The following CADPS variants were observed in gnomAD, a reference collection of about 807,000 sequenced individuals.
The protein encoded by CADPS is calcium-dependent secretion activator 1.
CADPS carries 57 observed loss-of-function variants against 167.3 expected under a neutral mutation model. That is an observed-to-expected ratio of 0.34 (90% CI 0.28 to 0.42). CADPS has a LOEUF of 0.42. CADPS is among the 20% of genes least tolerant of loss of function. CADPS has a pLI of 1.00. For synonymous variants in CADPS, 676 were observed against 635.3 expected (o/e 1.06, Z -0.96); for missense variants, 1,414 against 1,738.1 (o/e 0.81, Z 3.32).
At chr3:62,623,143 T>C (rs949584787) in intron 6 of CADPS, among the ~76,000 whole-genome samples, 26 of 152,100 alleles carry the variant, frequency 1.7e-4, no homozygotes, top group African/African-American at 5.1e-4. Flanking sequence ...CTCAAGAAAA[T>C]TCCATTTTCT....
At chr3:62,767,836 T>C (rs1243036022) in intron 1 of CADPS, among the ~76,000 whole-genome samples, 15 of 152,234 alleles carry the variant, frequency 9.9e-5, no homozygotes, top group Admixed American at 9.8e-4. Context: ...TGATATACTT[T>C]ACTTAACCCA....
At chr3:62,719,036 GCA>G (rs2075233332) in intron 3 of CADPS, among the ~76,000 whole-genome samples, 1 of 152,196 alleles carries the variant, frequency 6.6e-6, no homozygotes, top group African/African-American at 2.4e-5. Context: ...ACTCCTTTGT[GCA>G]TTCAGAGGTC....
At chr3:62,848,758 TG>T (rs2077967658) in intron 1 of CADPS, among the ~76,000 whole-genome samples, 1 of 108,086 alleles carries the variant, frequency 9.3e-6, no homozygotes, top group Admixed American at 1.0e-4. Flanking sequence ...GACTTGGCAA[TG>T]CGGGCTCTTT....
intron 1 of CADPS, among the ~76,000 whole-genome samples, chr3:62,869,703 A>G (rs1446310589): frequency 1.3e-5 from 2 of 152,130 alleles, no homozygotes; most frequent in Non-Finnish European, 2.9e-5. Context: ...CCCCCAGTTC[A>G]GGAACCACAT....
intron 26 of CADPS, among the ~76,000 whole-genome samples, chr3:62,457,044 T>G (rs1013086681): frequency 6.6e-6 from 1 of 152,186 alleles, no homozygotes; most frequent in African/African-American, 2.4e-5. Flanking sequence ...GTAAGATTTT[T>G]TTTTTAAACC....
At chr3:62,845,158 G>A (rs61628335) in intron 1 of CADPS, among the ~76,000 whole-genome samples, 3,564 of 152,226 alleles carry the variant, frequency 0.023, 150 homozygotes, top group African/African-American at 0.081. Flanking sequence ...CATCTCAGAA[G>A]GACATATCTG....
intron 4 of CADPS, among the ~76,000 whole-genome samples, chr3:62,656,130 A>C (rs146957097): frequency 1.4e-3 from 211 of 152,298 alleles, no homozygotes; most frequent in Non-Finnish European, 2.4e-3. Flanking sequence ...AAAAGTAGAG[A>C]TCATAACATG....
In CADPS at chr3:62,648,513, C is replaced by G. The variant is rs1324130442; in HGVS notation, c.1203+2334G>C. ...CCTGAACAACATGGCAAAACCCCAT[C>G]TCTACAAAAAATACAAAGATTAGCT... On this transcript the variant is annotated intron_variant, in intron 5 of 29. Transcript: ENST00000383710. Among the ~76,000 whole-genome samples, 3 of 151,588 alleles carry G rather than the reference C, an allele frequency of 2.0e-5. No homozygotes were observed. In the East Asian group the frequency reaches 5.8e-4, roughly 29 times the overall value.
chr3:62,668,063 A>G (rs1443766585), intron 3 of CADPS, among the ~76,000 whole-genome samples: 1 of 152,204 alleles, frequency 6.6e-6, no homozygotes, highest in African/African-American at 2.4e-5. Flanking sequence ...TAAGGAGGCA[A>G]CTTCAACCCT....
chr3:62,422,101 C>G (rs7626950), intron 28 of CADPS, among the ~76,000 whole-genome samples: 3,965 of 152,252 alleles, frequency 0.026, 77 homozygotes, highest in African/African-American at 0.051. Flanking sequence ...CCAACAAATG[C>G]AAGCAGGCCT....
chr3:62,843,645 T>C (rs867493234), intron 1 of CADPS, among the ~76,000 whole-genome samples: 6 of 152,238 alleles, frequency 3.9e-5, no homozygotes, highest in South Asian at 2.1e-4. Context: ...TGCCTTATAG[T>C]ACAAGACAGC....
intron 3 of CADPS, among the ~76,000 whole-genome samples, chr3:62,691,842 G>T (rs2079181842): frequency 2.0e-5 from 3 of 152,022 alleles, no homozygotes; most frequent in African/African-American, 7.2e-5. Flanking sequence ...TAATACCTTG[G>T]TGATGGGTTG....
chr3:62,692,927 C>A (rs1057100560), intron 3 of CADPS, among the ~76,000 whole-genome samples: 1 of 152,094 alleles, frequency 6.6e-6, no homozygotes, highest in Non-Finnish European at 1.5e-5. Flanking sequence ...ATGATCATGG[C>A]CTCTTAGTAG....
intron 3 of CADPS, among the ~76,000 whole-genome samples, chr3:62,699,967 G>A (rs966215443): frequency 3.9e-5 from 6 of 152,098 alleles, no homozygotes; most frequent in Admixed American, 3.3e-4. Context: ...CACAGACCAC[G>A]TGGCCTGCAA....
At chr3:62,681,628 T>C (rs2077171908) in intron 3 of CADPS, among the ~76,000 whole-genome samples, 1 of 152,032 alleles carries the variant, frequency 6.6e-6, no homozygotes, top group African/African-American at 2.4e-5. Flanking sequence ...TCATAGGCCC[T>C]GAAGAATGAA....
chr3:62,763,266 GT>G (rs1452899437), intron 2 of CADPS, among the ~76,000 whole-genome samples: 1 of 152,154 alleles, frequency 6.6e-6, no homozygotes, highest in Non-Finnish European at 1.5e-5. Context: ...CAGCAGGGGT[GT>G]TCTCTTTGCT....
chr3:62,671,955 T>A (rs1038866678), intron 3 of CADPS, among the ~76,000 whole-genome samples: 8 of 152,064 alleles, frequency 5.3e-5, no homozygotes, highest in African/African-American at 1.9e-4. Flanking sequence ...TAATTTTTTT[T>A]ATTTTTAGTA....
chr3:62,747,192 C>T (rs1564609125), intron 3 of CADPS, among the ~76,000 whole-genome samples: 1 of 152,186 alleles, frequency 6.6e-6, no homozygotes, highest in Non-Finnish European at 1.5e-5. Flanking sequence ...TTAATATTAG[C>T]CTTCCGTCAC....
chr3:62,586,748 G>A lies in CADPS; in HGVS notation c.1438-1424C>T, dbSNP rs1012187437. On this transcript the variant is annotated intron_variant, in intron 7 of 29. Transcript: ENST00000383710. The stretch of plus-strand genomic sequence containing the variant: ...TGATCATGCCCTACTTTAGTACAAT[G>A]TTGTTGAGCAATTAGCCCAGTATCT... 6.6e-5 allele frequency among the ~76,000 whole-genome samples: 10 copies of A among 152,102 alleles called. No individual in the cohort carries two copies. The East Asian group carries it at 1.3e-3, about 20-fold the overall frequency.
Sources: allele counts gnomAD v4.1 joint callset (sites outside exome capture counted in the v4.1 genomes callset), GRCh38; gene constraint gnomAD v4.1.1; transcripts MANE v1.5; gene names NCBI Gene and HGNC (gene_info 2026-07-23, HGNC 2026-07-21).